CNIH3: variants seen among roughly 807,000 people sequenced by gnomAD.
CNIH3 encodes protein cornichon homolog 3.
Under a neutral mutation model 24.1 loss-of-function variants are expected in CNIH3, and 14 were observed. The ratio of observed to expected loss-of-function variants is 0.58; its 90% CI spans 0.38 to 0.91. The LOEUF (loss-of-function observed/expected upper bound fraction) is 0.91, where lower values mean the gene tolerates loss of function less well. Ranked by LOEUF, CNIH3 falls within the 40% of genes least tolerant of loss-of-function variation. The pLI is 0.00. For synonymous variants in CNIH3, 68 were observed against 73.8 expected (o/e 0.92, Z 0.40); for missense variants, 178 against 196.8 (o/e 0.90, Z 0.57).
At chr1:224,470,335 T>TG (rs1194992876) in intron 1 of CNIH3, among the ~76,000 whole-genome samples, 1 of 147,816 alleles carries the variant, frequency 6.8e-6, no homozygotes, top group Non-Finnish European at 1.5e-5. Flanking sequence ...TTTTTTTTTT[T>TG]AAGAGGTAGT....
upstream of CNIH3, among the ~76,000 whole-genome samples, chr1:224,511,664 G>A (rs1324259160): frequency 1.3e-5 from 2 of 151,584 alleles, no homozygotes; most frequent in African/African-American, 4.9e-5. Flanking sequence ...AACCAGACTG[G>A]GCAACATAGC....
At chr1:224,587,621 C>T (rs111743268) in intron 5 of CNIH3, among the ~76,000 whole-genome samples, 117 of 152,158 alleles carry the variant, frequency 7.7e-4, no homozygotes, top group African/African-American at 2.7e-3. Flanking sequence ...GTGTGGTGTG[C>T]GTATATGTGT....
chr1:224,630,346 G>C (rs1388415334), intron 1 of CNIH3, among the ~76,000 whole-genome samples: 1 of 152,124 alleles, frequency 6.6e-6, no homozygotes, highest in Non-Finnish European at 1.5e-5. Context: ...CCCTAAGCTG[G>C]GGGTTGTTGG....
In CNIH3 at chr1:224,616,611, CCTT is replaced by C; in HGVS notation, c.-561_-559del. 1 of 987,094 alleles carries C rather than the reference CCTT, an allele frequency of 1.0e-6. No individual in the cohort carries two copies. Among genetic ancestry groups the C allele is most frequent in the African/African-American group, 1.7e-5 (1 of 57,400 alleles). The allele number at this position is 987,094 out of a possible 1,614,324, so 61.1% of individuals were successfully genotyped here. A position where few individuals can be genotyped will look rare whatever the true frequency, so the allele number is the denominator to read the frequency against. The stretch of plus-strand genomic sequence containing the variant: ...ACCTCCTCCCGGCTACCTAAAGACT[CCTT>C]CTCTCGGGAAAGAGCGCTGCCCGGC... On this transcript the variant is annotated 5_prime_UTR_variant, in exon 1 of 6. Coordinates refer to ENST00000272133, the MANE Select transcript of CNIH3 (RefSeq NM_152495.2).
intron 4 of CNIH3, among the ~76,000 whole-genome samples, chr1:224,569,114 C>G (rs780737896): frequency 3.9e-5 from 6 of 151,974 alleles, no homozygotes; most frequent in African/African-American, 1.5e-4. Context: ...GTGATCTGCC[C>G]GTCTCGGCCT....
chr1:224,622,125 AG>A (rs1302157539), intron 1 of CNIH3, among the ~76,000 whole-genome samples: 1 of 152,190 alleles, frequency 6.6e-6, no homozygotes, highest in African/African-American at 2.4e-5. Context: ...ACCCAGTCTC[AG>A]GTATGTCTTT....
At chr1:224,498,348 C>T (rs1677517924) in intron 1 of CNIH3, among the ~76,000 whole-genome samples, 1 of 152,114 alleles carries the variant, frequency 6.6e-6, no homozygotes, top group African/African-American at 2.4e-5. Flanking sequence ...ACTGCTGGGC[C>T]CGGTTCTCTT....
chr1:224,453,794 C>T (rs570352980), intron 1 of CNIH3, among the ~76,000 whole-genome samples: 1 of 152,108 alleles, frequency 6.6e-6, no homozygotes, highest in South Asian at 2.1e-4. Flanking sequence ...CTACAGGTGC[C>T]CTGCTACCTT....
intron 5 of CNIH3, among the ~76,000 whole-genome samples, chr1:224,587,953 A>AC (rs1298957793): frequency 2.0e-5 from 3 of 151,786 alleles, no homozygotes; most frequent in Non-Finnish European, 4.4e-5. Flanking sequence ...TTAAAAAAAA[A>AC]AACAAAACAA....
chr1:224,636,863 T>G (rs940174575), intron 1 of CNIH3, among the ~76,000 whole-genome samples: 1 of 152,232 alleles, frequency 6.6e-6, no homozygotes, highest in Non-Finnish European at 1.5e-5. Context: ...AGAAGGTTGC[T>G]TTAAGATTTT....
intron 3 of CNIH3, among the ~76,000 whole-genome samples, chr1:224,554,399 C>T (rs540088526): frequency 6.6e-6 from 1 of 152,232 alleles, no homozygotes; most frequent in South Asian, 2.1e-4. Flanking sequence ...TTTACATGTA[C>T]AGTCACCCCT....
intron 3 of CNIH3, among the ~76,000 whole-genome samples, chr1:224,721,467 A>G (rs976398830): frequency 6.6e-6 from 1 of 152,212 alleles, no homozygotes; most frequent in Non-Finnish European, 1.5e-5. Flanking sequence ...AGCAAGTTGT[A>G]GGAGAATTTT....
chr1:224,601,092 G>A (rs1239385225), intron 3 of CNIH3, among the ~76,000 whole-genome samples: 4 of 152,186 alleles, frequency 2.6e-5, no homozygotes, highest in Non-Finnish European at 1.5e-5. Flanking sequence ...TTTAGGACAG[G>A]AATGAAAGTA....
chr1:224,473,998 GGA>G (rs1676468116), intron 1 of CNIH3, among the ~76,000 whole-genome samples: 1 of 152,130 alleles, frequency 6.6e-6, no homozygotes, highest in African/African-American at 2.4e-5. Context: ...GAGGAATTCT[GGA>G]AATTATACAA....
chr1:224,611,124 T>C (rs554943432), intron 3 of CNIH3, among the ~76,000 whole-genome samples: 1 of 152,356 alleles, frequency 6.6e-6, no homozygotes, highest in South Asian at 2.1e-4. Context: ...GTTAGAGTTC[T>C]GGCCAATGAG....
chr1:224,525,105 A>T (rs1678793222), intron 2 of CNIH3, among the ~76,000 whole-genome samples: 2 of 152,206 alleles, frequency 1.3e-5, no homozygotes, highest in Admixed American at 1.3e-4. Flanking sequence ...TCTCATGGCA[A>T]TTACCCTCCT....
intron 1 of CNIH3, among the ~76,000 whole-genome samples, chr1:224,658,050 A>G (rs961587930): frequency 6.6e-6 from 1 of 152,248 alleles, no homozygotes; most frequent in Non-Finnish European, 1.5e-5. Flanking sequence ...TTACTACATG[A>G]CAATGCTTTG....
chr1:224,468,248 G>T (rs1676228564), intron 1 of CNIH3, among the ~76,000 whole-genome samples: 1 of 152,134 alleles, frequency 6.6e-6, no homozygotes, highest in Admixed American at 6.5e-5. Flanking sequence ...AATTTGGATA[G>T]GAATTATGTA....
At chr1:224,534,816 A>G (rs573894123) in intron 2 of CNIH3, among the ~76,000 whole-genome samples, 2 of 152,294 alleles carry the variant, frequency 1.3e-5, no homozygotes, top group African/African-American at 2.4e-5. Flanking sequence ...TCACAGCCGC[A>G]TTACAGGGGC....
Sources: allele counts gnomAD v4.1 joint callset (sites outside exome capture counted in the v4.1 genomes callset), GRCh38; gene constraint gnomAD v4.1.1; transcripts MANE v1.5; gene names NCBI Gene and HGNC (gene_info 2026-07-23, HGNC 2026-07-21).